ENAH: variants seen among roughly 807,000 people sequenced by gnomAD.
ENAH encodes the protein protein enabled homolog.
Under a neutral mutation model 78.7 loss-of-function variants are expected in ENAH, and 23 were observed. That is an observed-to-expected ratio of 0.29 (90% confidence interval 0.21 to 0.41). ENAH has a LOEUF of 0.41. Ranked by LOEUF, ENAH falls within the 10% of genes least tolerant of loss-of-function variation. The pLI, the probability that ENAH is intolerant of heterozygous loss-of-function variation, is 1.00. For missense variants in ENAH, 544 were observed against 691.0 expected (o/e 0.79, Z 2.39); for synonymous variants, 226 against 241.0 (o/e 0.94, Z 0.58).
chr1:225,584,764 T>A (rs1337081153), intron 1 of ENAH, among the ~76,000 whole-genome samples: 1 of 152,158 alleles, frequency 6.6e-6, no homozygotes, highest in Admixed American at 6.5e-5. Context: ...ATATTATATG[T>A]CATGAAAACA....
In ENAH at chr1:225,501,073, G is replaced by A. The variant is rs1313391229; in HGVS notation, c.1539-3C>T. The stretch of plus-strand genomic sequence containing the variant: ...GTGATAAGGGTGTGGATTTTGGTCT[G>A]TATAAATGAGATTTCCAGGACAGGT... On this transcript the variant is annotated splice_region_variant and splice_polypyrimidine_tract_variant and intron_variant, in intron 11 of 13. Transcript: ENST00000366843. The A allele has an allele frequency of 6.2e-7, 1 of 1,612,206 alleles. No homozygotes were observed. Among genetic ancestry groups the A allele is most frequent in the Admixed American group, 1.7e-5 (1 of 59,882 alleles).
chr1:225,653,875 G>A (rs1663503610), upstream of ENAH, among the ~76,000 whole-genome samples: 1 of 152,214 alleles, frequency 6.6e-6, no homozygotes, highest in South Asian at 2.1e-4. The surrounding 1 kb of genome is among the most constrained non-coding windows in gnomAD (Gnocchi z 4.3). Context: ...TTCTTCCCGA[G>A]GAATCCCAGC....
At chr1:225,517,513 G>A (rs1408450439) in intron 5 of ENAH, 11 of 1,551,538 alleles carry the variant, frequency 7.1e-6, no homozygotes, top group South Asian at 5.9e-5. Context: ...GGGTGCTGTC[G>A]GTGATGGAGG....
In ENAH at chr1:225,513,014, C is replaced by T. The variant is rs1307128669; in HGVS notation, c.1221G>A (p.Met407Ile). 1 of 1,610,800 alleles carries T rather than the reference C, an allele frequency of 6.2e-7. No individual in the cohort carries two copies. The highest frequency in any genetic ancestry group is 1.1e-5 in the South Asian group (1 of 90,286). Residue 407 changes from methionine (M) to isoleucine (I), a missense_variant and splice_region_variant, in exon 8 of 14, where the codon ATG becomes ATA. This residue lies in a region of ENAH where 366 missense variants were observed against 396.1 expected (regional missense o/e 0.92). Transcript: ENST00000366843. ...AGAKLRKVSR[M>I]EDTSFPSGGN... is the part of the protein sequence containing the mutation. ...CTCCACTTGGGAAAGAGGTATCCTC[C>T]ATCTTAATGAGAATATACAGACATA...
chr1:225,524,801 A>G (rs2096492858), intron 4 of ENAH: 5 of 340,494 alleles, frequency 1.5e-5, no homozygotes, highest in Non-Finnish European at 2.1e-5. Flanking sequence ...GGAGACTAAC[A>G]TAGGACTGAC....
intron 1 of ENAH, among the ~76,000 whole-genome samples, chr1:225,626,216 A>G (rs888434342): frequency 6.6e-6 from 1 of 152,170 alleles, no homozygotes; most frequent in African/African-American, 2.4e-5. Context: ...AGCTCCAGCA[A>G]CTCTCACTTT....
At chr1:225,587,058 A>T (rs554992) in intron 1 of ENAH, among the ~76,000 whole-genome samples, 100,368 of 151,946 alleles carry the variant, frequency 0.66, 33,449 homozygotes, top group Middle Eastern at 0.74. Context: ...TAATGTGATA[A>T]AGATCATATA....
At chr1:225,562,576 A>C in intron 2 of ENAH, among the ~76,000 whole-genome samples, 2 of 125,426 alleles carry the variant, frequency 1.6e-5, no homozygotes, top group South Asian at 5.8e-4. Context: ...CGTCTCAAAA[A>C]AAAAAAAAAA....
chr1:225,531,451 G>A (rs1442226167), intron 3 of ENAH, among the ~76,000 whole-genome samples: 1 of 152,024 alleles, frequency 6.6e-6, no homozygotes, highest in East Asian at 1.9e-4. Flanking sequence ...AATCAAATCT[G>A]TCACAAAATG....
chr1:225,512,998 G>A lies in ENAH; in HGVS notation c.1237C>T (p.Pro413Ser). The change falls in exon 8 of 14, where the codon CCA becomes TCA. Residue 413 changes from proline (P) to serine (S), a missense_variant. Physicochemically the swap from Pro to Ser is moderately conservative, Grantham distance 74. Around this residue, in one of 4 missense-constraint regions of ENAH, gnomAD observed 366 missense variants for 396.1 expected, o/e 0.92. Transcript: ENST00000366843. The stretch of plus-strand genomic sequence containing the variant: ...ACACCAATAGCATTCCCTCCACTTG[G>A]GAAAGAGGTATCCTCCATCTTAATG... ...KVSRMEDTSF[P>S]SGGNAIGVNS... 1 of 1,612,384 alleles carries A rather than the reference G, an allele frequency of 6.2e-7. No homozygotes were observed. Among genetic ancestry groups the A allele is most frequent in the Non-Finnish European group, 8.5e-7 (1 of 1,179,392 alleles).
chr1:225,646,725 C>T (rs1486129401), intron 1 of ENAH, among the ~76,000 whole-genome samples: 5 of 151,846 alleles, frequency 3.3e-5, no homozygotes, highest in African/African-American at 4.8e-5. Flanking sequence ...GGAGGCAGAG[C>T]TTGCAGTAAC....
rs138674448 is a variant in ENAH at position 225,591,447 on chromosome 1, G to A, written c.6-24033C>T. Among the ~76,000 whole-genome samples, 399 of 149,670 alleles carry A rather than the reference G, an allele frequency of 2.7e-3. 6 individuals carry two copies. In the East Asian group the frequency reaches 0.059, roughly 22 times the overall value. ...TGCGCCATTGCACTCCAGCCTGGGC[G>A]ACAAGAGCGAAACTACGTTTAAAAA... On this transcript the variant is annotated intron_variant, in intron 1 of 13. Coordinates refer to ENST00000366843, the MANE Select transcript of ENAH (RefSeq NM_018212.6).
chr1:225,574,368 A>C (rs1487789456), intron 1 of ENAH, among the ~76,000 whole-genome samples: 1 of 152,168 alleles, frequency 6.6e-6, no homozygotes. Flanking sequence ...TGAGAGGCTG[A>C]GGTGAGTGGA....
At position 225,567,613 on chromosome 1, in the gene ENAH, A is replaced by T. The variant is rs556161461; in HGVS notation, c.6-199T>A. On this transcript the variant is annotated intron_variant, in intron 1 of 13. Transcript: ENST00000366843. ...AGACAAACCAAAAAAAATAAAGTAT[A>T]ATTAAAAGACCAAAAGGAGAGCAGG... Among the ~76,000 whole-genome samples the T allele has an allele frequency of 5.9e-5, 9 of 152,278 alleles. No homozygotes were observed. In the South Asian group the frequency reaches 1.5e-3, roughly 25 times the overall value.
At chr1:225,523,890 A>G (rs1421006733) in intron 4 of ENAH, among the ~76,000 whole-genome samples, 2 of 152,152 alleles carry the variant, frequency 1.3e-5, no homozygotes, top group Non-Finnish European at 2.9e-5. Context: ...TCTCTCTCCA[A>G]CTGTTTTCTT....
At chr1:225,631,597 A>G (rs1659085082) in intron 1 of ENAH, among the ~76,000 whole-genome samples, 1 of 151,244 alleles carries the variant, frequency 6.6e-6, no homozygotes, top group African/African-American at 2.4e-5. Flanking sequence ...AAAAAAAGGC[A>G]TAAACTAATA....
At chr1:225,639,243 T>TC (rs1660590039) in intron 1 of ENAH, among the ~76,000 whole-genome samples, 1 of 152,198 alleles carries the variant, frequency 6.6e-6, no homozygotes, top group Non-Finnish European at 1.5e-5. Context: ...GTGTTCTATA[T>TC]CCAGACCTGG....
chr1:225,617,905 T>G (rs974246299), intron 1 of ENAH, among the ~76,000 whole-genome samples: 12 of 152,182 alleles, frequency 7.9e-5, no homozygotes, highest in Non-Finnish European at 1.8e-4. Flanking sequence ...AACCTATGAT[T>G]AAATCCTGAG....
intron 2 of ENAH, among the ~76,000 whole-genome samples, chr1:225,566,807 A>G (rs1320062843): frequency 1.3e-5 from 2 of 152,190 alleles, no homozygotes; most frequent in Non-Finnish European, 2.9e-5. Context: ...AGCAACCTCA[A>G]TACCTACTAT....
Sources: allele counts gnomAD v4.1 joint callset (sites outside exome capture counted in the v4.1 genomes callset), GRCh38; gene constraint gnomAD v4.1.1; regional missense constraint gnomAD v4.1.1; non-coding constraint Gnocchi (gnomAD v3.1); transcripts MANE v1.5; gene names NCBI Gene and HGNC (gene_info 2026-07-23, HGNC 2026-07-21).